The following SLC38A9 variants were observed in gnomAD, a reference collection of about 807,000 sequenced individuals.
SLC38A9 encodes neutral amino acid transporter 9.
In SLC38A9, 48 loss-of-function variants were observed where a neutral mutation model predicts 62.3. That is an observed-to-expected ratio of 0.77 (90% CI 0.61 to 0.98). SLC38A9 has a LOEUF of 0.98. Ranked by LOEUF, SLC38A9 falls within the 50% of genes least tolerant of loss-of-function variation. The pLI is 0.00. For synonymous variants in SLC38A9, 204 were observed against 227.7 expected (o/e 0.90, Z 0.94); for missense variants, 541 against 679.8 (o/e 0.80, Z 2.27).
intron 3 of SLC38A9, among the ~76,000 whole-genome samples, chr5:55,694,890 T>A (rs1459072147): frequency 1.3e-5 from 2 of 152,222 alleles, no homozygotes; most frequent in Non-Finnish European, 2.9e-5. Flanking sequence ...ATAGCTGGGA[T>A]TACAGGTGTG....
chr5:55,633,666 C>T (rs1274933348), intron 14 of SLC38A9, 88 bp downstream of exon 14: 3 of 1,566,048 alleles, frequency 1.9e-6, no homozygotes, highest in African/African-American at 1.4e-5. Context: ...ATTTTTATAG[C>T]AAAAGGATCA....
At chr5:55,632,690 T>C (rs1264650469) in intron 14 of SLC38A9, among the ~76,000 whole-genome samples, 1 of 152,136 alleles carries the variant, frequency 6.6e-6, no homozygotes, top group Admixed American at 6.5e-5. Flanking sequence ...ATCACTCCAA[T>C]TTCCCACTAT....
intron 7 of SLC38A9, among the ~76,000 whole-genome samples, chr5:55,668,776 C>T (rs1750849642): frequency 6.6e-6 from 1 of 152,180 alleles, no homozygotes; most frequent in African/African-American, 2.4e-5. Flanking sequence ...AAGGTGTTCA[C>T]ACAACTTCAA....
intron 3 of SLC38A9, among the ~76,000 whole-genome samples, chr5:55,681,897 T>C (rs564656835): frequency 2.0e-5 from 3 of 152,314 alleles, no homozygotes; most frequent in East Asian, 3.9e-4. Context: ...CATGCACTTA[T>C]GTTTTGTCTA....
intron 3 of SLC38A9, among the ~76,000 whole-genome samples, chr5:55,677,925 A>T (rs11353996): frequency 0.011 from 298 of 26,288 alleles, 17 homozygotes; most frequent in Middle Eastern, 0.045. Context: ...TTTTTTCTTT[A>T]TTGTGTGTGT....
At chr5:55,702,639 C>T (rs1756818348) in intron 2 of SLC38A9, 1 of 149,384 alleles carries the variant, frequency 6.7e-6, no homozygotes, top group South Asian at 2.1e-4. Context: ...AATACTTGCT[C>T]TTTTTTTTTT....
chr5:55,687,837 A>G (rs1754140064), intron 3 of SLC38A9, among the ~76,000 whole-genome samples: 1 of 152,078 alleles, frequency 6.6e-6, no homozygotes, highest in South Asian at 2.1e-4. Context: ...TGCTGGGACT[A>G]TAGGTGCGTG....
intron 3 of SLC38A9, among the ~76,000 whole-genome samples, chr5:55,679,257 C>T (rs1752666750): frequency 6.6e-6 from 1 of 151,650 alleles, no homozygotes; most frequent in Admixed American, 6.6e-5. Flanking sequence ...AACTAAGTGG[C>T]ATGGTGAAAA....
At chr5:55,628,544 A>G (rs1165984894) in intron 14 of SLC38A9, among the ~76,000 whole-genome samples, 1 of 152,184 alleles carries the variant, frequency 6.6e-6, no homozygotes, top group African/African-American at 2.4e-5. Flanking sequence ...TTTTGTTACA[A>G]TTTGGGGTTT....
In SLC38A9 at chr5:55,652,706, C is replaced by T. The variant is rs557064359; in HGVS notation, c.775G>A (p.Gly259Arg). Residue 259 changes from glycine (G) to arginine (R), a missense_variant, in exon 10 of 16, where the codon GGG becomes AGG. Coordinates refer to ENST00000396865, the MANE Select transcript of SLC38A9 (RefSeq NM_173514.4). ...CTGTTGTCAGGATGGCCTCCACTCC[C>T]GGCACTTGGACAAATCACTGCAATA... ...NSNPVICPSA[G>R]SGGHPDNSSM... The T allele has an allele frequency of 1.2e-5, 20 of 1,612,020 alleles. No homozygotes were observed. Among genetic ancestry groups the T allele is most frequent in the African/African-American group, 8.0e-5 (6 of 74,904 alleles).
At chr5:55,628,145 T>C (rs1252024254) in intron 14 of SLC38A9, among the ~76,000 whole-genome samples, 165 bp from the exon 15 acceptor site, 3 of 152,148 alleles carry the variant, frequency 2.0e-5, no homozygotes, top group African/African-American at 7.2e-5. Context: ...TCCTCAATTG[T>C]GGTAACGAGA....
intron 3 of SLC38A9, 62 bp downstream of exon 3, chr5:55,697,784 T>A: frequency 1.3e-6 from 1 of 799,934 alleles, no homozygotes; most frequent in Non-Finnish European, 2.0e-6. Flanking sequence ...TTGGTTATAA[T>A]TAGATGTATT....
chr5:55,628,668 C>A (rs1314532959), intron 14 of SLC38A9, among the ~76,000 whole-genome samples: 2 of 152,104 alleles, frequency 1.3e-5, no homozygotes, highest in Non-Finnish European at 2.9e-5. Flanking sequence ...TTTTTATCTT[C>A]CAGATTTAAC....
intron 3 of SLC38A9, among the ~76,000 whole-genome samples, chr5:55,687,540 T>G (rs1754087789): frequency 6.6e-6 from 1 of 152,144 alleles, no homozygotes; most frequent in Non-Finnish European, 1.5e-5. Flanking sequence ...ATGGCCATTT[T>G]AATGATATTG....
At chr5:55,699,265 TA>T (rs1328578883) in intron 2 of SLC38A9, among the ~76,000 whole-genome samples, 2 of 151,976 alleles carry the variant, frequency 1.3e-5, no homozygotes, top group African/African-American at 4.8e-5. Flanking sequence ...AAAAAATAAA[TA>T]AAAAAACACC....
intron 3 of SLC38A9, among the ~76,000 whole-genome samples, chr5:55,681,417 A>G (rs1291048120): frequency 2.6e-5 from 4 of 152,210 alleles, no homozygotes; most frequent in Non-Finnish European, 5.9e-5. Context: ...AATTTTTATC[A>G]TACCACTTTT....
At chr5:55,701,704 C>T (rs577234988) in intron 2 of SLC38A9, among the ~76,000 whole-genome samples, 3 of 152,110 alleles carry the variant, frequency 2.0e-5, no homozygotes, top group Non-Finnish European at 4.4e-5. Context: ...GGGTAGAGGT[C>T]GGGGATGCTG....
intron 3 of SLC38A9, chr5:55,692,819 T>C (rs1754929209): frequency 1.0e-6 from 1 of 984,644 alleles, no homozygotes; most frequent in Non-Finnish European, 1.2e-6. Context: ...ACCCTGAGCA[T>C]TCAAGTCAGC....
intron 3 of SLC38A9, among the ~76,000 whole-genome samples, chr5:55,681,553 G>C (rs13181161): frequency 0.6 from 91,216 of 152,054 alleles, 27,947 homozygotes; most frequent in South Asian, 0.7. Flanking sequence ...TTTGCTTCAG[G>C]GTTTAGGAGA....
Sources: gnomAD v4.1 joint callset for allele counts (sites outside exome capture counted in the v4.1 genomes callset) on GRCh38, gnomAD v4.1.1 for gene constraint, MANE v1.5 for transcripts, NCBI Gene and HGNC (gene_info 2026-07-23, HGNC 2026-07-21) for gene names.